LHFPL3: variants seen among roughly 807,000 people sequenced by gnomAD.
The protein encoded by LHFPL3 is LHFPL tetraspan subfamily member 3 protein.
LHFPL3 carries 5 observed loss-of-function variants against 19.3 expected under a neutral mutation model. The ratio of observed to expected loss-of-function variants is 0.26; its 90% CI spans 0.14 to 0.54. The LOEUF (loss-of-function observed/expected upper bound fraction) is 0.54, where lower values mean the gene tolerates loss of function less well. Ranked by LOEUF, LHFPL3 falls within the 20% of genes least tolerant of loss-of-function variation. LHFPL3 has a pLI of 0.94. For synonymous variants in LHFPL3, 133 were observed against 126.2 expected, an observed-to-expected ratio of 1.05 and a Z score of -0.36; for missense variants, 249 against 307.4, an observed-to-expected ratio of 0.81 and a Z score of 1.42.
intron 1 of LHFPL3, among the ~76,000 whole-genome samples, chr7:104,648,930 C>T (rs917272106): frequency 4.6e-5 from 7 of 152,252 alleles, no homozygotes; most frequent in Admixed American, 1.3e-4. Context: ...ATGTTCTGTC[C>T]GCCATCCAAC....
chr7:104,754,601 C>T (rs182306577), intron 2 of LHFPL3, among the ~76,000 whole-genome samples: 6 of 152,276 alleles, frequency 3.9e-5, no homozygotes, highest in Admixed American at 3.9e-4. Flanking sequence ...ACACATAATC[C>T]AAGTACGGCA....
intron 2 of LHFPL3, among the ~76,000 whole-genome samples, chr7:104,905,081 G>C (rs1792570836): frequency 6.6e-6 from 1 of 151,938 alleles, no homozygotes; most frequent in Non-Finnish European, 1.5e-5. Flanking sequence ...TCAGCCCCTT[G>C]AGTAGCTGGG....
At chr7:104,702,400 C>T (rs1296091784) in intron 1 of LHFPL3, among the ~76,000 whole-genome samples, 1 of 152,018 alleles carries the variant, frequency 6.6e-6, no homozygotes, top group Non-Finnish European at 1.5e-5. Flanking sequence ...CACAGCTTTC[C>T]TCAAATATCT....
intron 1 of LHFPL3, among the ~76,000 whole-genome samples, chr7:104,492,013 A>G (rs151071631): frequency 3.0e-4 from 45 of 152,344 alleles, no homozygotes; most frequent in African/African-American, 1.1e-3. Context: ...ATGTGTGTGC[A>G]TATACAAGTG....
At chr7:104,863,259 T>C (rs945040293) in intron 2 of LHFPL3, among the ~76,000 whole-genome samples, 3 of 152,140 alleles carry the variant, frequency 2.0e-5, no homozygotes, top group African/African-American at 7.2e-5. Context: ...GGGTAGGGGG[T>C]TGACCTCCTA....
At chr7:104,504,206 T>C (rs901400696) in intron 1 of LHFPL3, among the ~76,000 whole-genome samples, 1 of 152,216 alleles carries the variant, frequency 6.6e-6, no homozygotes, top group African/African-American at 2.4e-5. Flanking sequence ...AAGAAAATCA[T>C]AGAAAAATAT....
intron 2 of LHFPL3, among the ~76,000 whole-genome samples, chr7:104,862,667 C>T (rs1382558168): frequency 6.6e-6 from 1 of 152,060 alleles, no homozygotes; most frequent in East Asian, 1.9e-4. Context: ...GGTACCAGAT[C>T]CAGCTACCCC....
intron 1 of LHFPL3, among the ~76,000 whole-genome samples, chr7:104,500,173 T>C (rs1793573527): frequency 6.6e-6 from 1 of 152,250 alleles, no homozygotes; most frequent in Non-Finnish European, 1.5e-5. Flanking sequence ...CCTTTCGTTT[T>C]AATAGTGACG....
At chr7:104,500,478 G>A (rs564818618) in intron 1 of LHFPL3, among the ~76,000 whole-genome samples, 4 of 152,210 alleles carry the variant, frequency 2.6e-5, no homozygotes, top group East Asian at 1.9e-4. Context: ...ACATATCTAC[G>A]AAACCGCAAT....
intron 1 of LHFPL3, among the ~76,000 whole-genome samples, chr7:104,495,500 C>T (rs1049072972): frequency 2.6e-5 from 4 of 152,236 alleles, no homozygotes; most frequent in African/African-American, 9.6e-5. Context: ...TCTCCTGCCT[C>T]AGCCTCCCAA....
At chr7:104,384,962 A>G (rs1164627362) in intron 1 of LHFPL3, among the ~76,000 whole-genome samples, 1 of 152,104 alleles carries the variant, frequency 6.6e-6, no homozygotes, top group Admixed American at 6.5e-5. Context: ...TCAGGAAATT[A>G]AATTTTACTT....
At chr7:104,733,608 ATG>A (rs1793745567) in intron 1 of LHFPL3, among the ~76,000 whole-genome samples, 1 of 152,092 alleles carries the variant, frequency 6.6e-6, no homozygotes, top group Admixed American at 6.5e-5. Context: ...TTTTGAGCCT[ATG>A]TGTGTCTCTG....
chr7:104,372,329 T>A (rs1790632102), intron 1 of LHFPL3, among the ~76,000 whole-genome samples: 1 of 152,220 alleles, frequency 6.6e-6, no homozygotes, highest in South Asian at 2.1e-4. Flanking sequence ...TTAAAATATA[T>A]AAGTTGATTT....
At chr7:104,704,208 C>A (rs1372070159) in intron 1 of LHFPL3, among the ~76,000 whole-genome samples, 1 of 152,130 alleles carries the variant, frequency 6.6e-6, no homozygotes, top group East Asian at 1.9e-4. Flanking sequence ...CACTACAAAG[C>A]AGGGCTTTGT....
chr7:104,459,004 G>T (rs1287937884), intron 1 of LHFPL3, among the ~76,000 whole-genome samples: 1 of 152,200 alleles, frequency 6.6e-6, no homozygotes, highest in Non-Finnish European at 1.5e-5. Context: ...AGCCTCCTGT[G>T]CTACAGCTCA....
chr7:104,611,522 G>C (rs538160928), intron 1 of LHFPL3, among the ~76,000 whole-genome samples: 9 of 152,262 alleles, frequency 5.9e-5, no homozygotes, highest in African/African-American at 2.2e-4. Flanking sequence ...AGAATCAAAG[G>C]GCAAAGAAGG....
intron 1 of LHFPL3, among the ~76,000 whole-genome samples, chr7:104,733,054 T>C (rs1793734715): frequency 6.6e-6 from 1 of 152,240 alleles, no homozygotes; most frequent in African/African-American, 2.4e-5. Flanking sequence ...TTCTTAATCC[T>C]GAGTTCTAGT....
intron 1 of LHFPL3, among the ~76,000 whole-genome samples, chr7:104,621,208 G>C (rs2115802606): frequency 6.6e-6 from 1 of 152,272 alleles, no homozygotes; most frequent in Admixed American, 6.5e-5. Context: ...ATGAGATCCA[G>C]TCCTGAAAGT....
chr7:104,339,144 A>G (rs1179566675), intron 1 of LHFPL3, among the ~76,000 whole-genome samples: 1 of 152,150 alleles, frequency 6.6e-6, no homozygotes, highest in Non-Finnish European at 1.5e-5. Context: ...GCTACTCGGG[A>G]GGCCGAGATA....
Sources: allele counts gnomAD v4.1 joint callset (sites outside exome capture counted in the v4.1 genomes callset), GRCh38; gene constraint gnomAD v4.1.1; transcripts MANE v1.5; gene names NCBI Gene and HGNC (gene_info 2026-07-23, HGNC 2026-07-21).